Variants in COP1 observed in about 807,000 individuals in gnomAD.
COP1 encodes E3 ubiquitin-protein ligase COP1.
In COP1, 24 loss-of-function variants were observed where a neutral mutation model predicts 101.3. That is an observed-to-expected ratio of 0.24 (90% CI 0.17 to 0.33). The LOEUF (loss-of-function observed/expected upper bound fraction) is 0.33, where lower values mean the gene tolerates loss of function less well. Among genes scored for constraint, COP1 ranks in the 10% least tolerant of loss-of-function variants. COP1 has a pLI of 1.00. For synonymous variants in COP1, 347 were observed against 341.9 expected (o/e 1.01, Z -0.17); for missense variants, 663 against 906.2 (o/e 0.73, Z 3.45).
At chr1:176,193,316 T>C (rs903841796) in intron 1 of COP1, among the ~76,000 whole-genome samples, 1 of 152,146 alleles carries the variant, frequency 6.6e-6, no homozygotes, top group Admixed American at 6.5e-5. Flanking sequence ...TATACATTGC[T>C]AGTAGGAAAA....
intron 18 of COP1, among the ~76,000 whole-genome samples, chr1:175,976,158 T>C (rs1377183442): frequency 6.6e-6 from 1 of 152,036 alleles, no homozygotes; most frequent in Non-Finnish European, 1.5e-5. Flanking sequence ...AACTCTGAAG[T>C]TGCAAGGCTA....
intron 11 of COP1, among the ~76,000 whole-genome samples, chr1:176,047,359 A>G (rs570532085): frequency 1.3e-5 from 2 of 152,328 alleles, no homozygotes; most frequent in African/African-American, 2.4e-5. Context: ...CATTTTACAG[A>G]TGAGAAAATG....
chr1:176,029,316 T>G lies in COP1; in HGVS notation c.1613-1628A>C, dbSNP rs542601270. 5.9e-5 allele frequency among the ~76,000 whole-genome samples: 9 copies of G among 152,278 alleles called. No individual in the cohort carries two copies. The South Asian group carries it at 1.9e-3, about 32-fold the overall frequency. On this transcript the variant is annotated intron_variant, in intron 14 of 19. Transcript: ENST00000367669. The stretch of plus-strand genomic sequence containing the variant: ...AGTAGTCTAAGCCAGTGATATATAT[T>G]AAAATTTGTAATGATTAGGGAGAGC...
intron 9 of COP1, among the ~76,000 whole-genome samples, chr1:176,099,779 T>C (rs2481637): frequency 0.94 from 142,950 of 152,156 alleles, 67,596 homozygotes; most frequent in East Asian, 1. Flanking sequence ...TCTACACAGC[T>C]GCTGTAGAGG....
intron 15 of COP1, among the ~76,000 whole-genome samples, chr1:176,006,088 T>G (rs979055423): frequency 6.6e-6 from 1 of 152,250 alleles, no homozygotes; most frequent in Admixed American, 6.5e-5. Context: ...AATTGATCCC[T>G]TTACCATTAT....
chr1:175,949,527 T>C (rs1323370713), intron 18 of COP1, among the ~76,000 whole-genome samples: 2 of 152,192 alleles, frequency 1.3e-5, no homozygotes, highest in African/African-American at 4.8e-5. Flanking sequence ...AAACAAGTTG[T>C]ATGGTATCAG....
At chr1:176,150,874 T>C (rs1485356433) in intron 5 of COP1, among the ~76,000 whole-genome samples, 1 of 152,200 alleles carries the variant, frequency 6.6e-6, no homozygotes, top group Non-Finnish European at 1.5e-5. Flanking sequence ...TTCTGCAGTT[T>C]AATCTTTTTA....
intron 13 of COP1, among the ~76,000 whole-genome samples, 200 bp downstream of exon 13, chr1:176,043,510 A>G (rs1670997765): frequency 6.6e-6 from 1 of 152,234 alleles, no homozygotes; most frequent in African/African-American, 2.4e-5. Flanking sequence ...CGAAGTCTGA[A>G]GAAATGCTTT....
At chr1:176,141,229 C>T (rs557927151) in intron 6 of COP1, among the ~76,000 whole-genome samples, 2 of 152,158 alleles carry the variant, frequency 1.3e-5, no homozygotes, top group Admixed American at 6.5e-5. Flanking sequence ...AGGCTAGGTG[C>T]GGTGGCTCAC....
At chr1:176,152,967 T>C (rs1204373194) in intron 5 of COP1, among the ~76,000 whole-genome samples, 1 of 152,126 alleles carries the variant, frequency 6.6e-6, no homozygotes, top group African/African-American at 2.4e-5. Flanking sequence ...TCACTTCTGC[T>C]TGTATAGACA....
chr1:176,181,201 T>C (rs1286636793), intron 2 of COP1, among the ~76,000 whole-genome samples: 1 of 152,118 alleles, frequency 6.6e-6, no homozygotes, highest in Non-Finnish European at 1.5e-5. Context: ...AGGAAAGACA[T>C]TTTCACTTGG....
chr1:175,992,759 G>A (rs1385867273), intron 15 of COP1, among the ~76,000 whole-genome samples: 3 of 152,226 alleles, frequency 2.0e-5, no homozygotes, highest in Non-Finnish European at 4.4e-5. Flanking sequence ...CGAACTGGAT[G>A]GAGCCCACCA....
chr1:176,077,107 C>T (rs914454179), intron 11 of COP1, among the ~76,000 whole-genome samples: 1 of 152,158 alleles, frequency 6.6e-6, no homozygotes, highest in Non-Finnish European at 1.5e-5. Flanking sequence ...GGAGGGGCTT[C>T]TCCCTAATTT....
At chr1:176,003,053 C>A (rs887618544) in intron 15 of COP1, among the ~76,000 whole-genome samples, 26 of 151,536 alleles carry the variant, frequency 1.7e-4, no homozygotes, top group African/African-American at 6.1e-4. Flanking sequence ...GCCATTCTAA[C>A]TGGTGTGAGA....
At chr1:176,113,569 G>A (rs747732430) in intron 9 of COP1, among the ~76,000 whole-genome samples, 1 of 151,994 alleles carries the variant, frequency 6.6e-6, no homozygotes, top group East Asian at 1.9e-4. Flanking sequence ...AATATAAATG[G>A]TAACTGTGGA....
At chr1:176,044,799 C>T (rs1159373254) in intron 12 of COP1, among the ~76,000 whole-genome samples, 3 of 152,114 alleles carry the variant, frequency 2.0e-5, no homozygotes, top group Non-Finnish European at 2.9e-5. Flanking sequence ...CAGCCTTGAG[C>T]GCTTTCACCA....
chr1:176,112,825 C>T (rs2149574149), intron 9 of COP1, among the ~76,000 whole-genome samples: 1 of 152,178 alleles, frequency 6.6e-6, no homozygotes, highest in African/African-American at 2.4e-5. Flanking sequence ...GTTTGTCTTT[C>T]AGTTCCTGGC....
At chr1:176,168,249 G>A (rs1695450844) in intron 3 of COP1, among the ~76,000 whole-genome samples, 1 of 151,658 alleles carries the variant, frequency 6.6e-6, no homozygotes, top group African/African-American at 2.4e-5. Context: ...AGTAGTGACA[G>A]GATTTCACCA....
chr1:176,196,703 C>T (rs1699729512), intron 1 of COP1, among the ~76,000 whole-genome samples: 1 of 152,076 alleles, frequency 6.6e-6, no homozygotes, highest in Non-Finnish European at 1.5e-5. Context: ...TTCATACAAA[C>T]TCTTTCAGAA....
Sources: gnomAD v4.1 joint callset for allele counts (sites outside exome capture counted in the v4.1 genomes callset) on GRCh38, gnomAD v4.1.1 for gene constraint, MANE v1.5 for transcripts, NCBI Gene and HGNC (gene_info 2026-07-23, HGNC 2026-07-21) for gene names.